Variants in LAMTOR2 observed in about 807,000 individuals in gnomAD.
The protein encoded by LAMTOR2 is ragulator complex protein LAMTOR2.
A neutral mutation model predicts 15.8 loss-of-function variants in LAMTOR2; 4 were observed. That is an observed-to-expected ratio of 0.25 (90% CI 0.12 to 0.58). The LOEUF is 0.58. LAMTOR2 is among the 20% of genes least tolerant of loss of function. The pLI is 0.91. For missense variants in LAMTOR2, 100 were observed against 161.0 expected (o/e 0.62, Z 2.05); for synonymous variants, 62 against 64.1 (o/e 0.97, Z 0.15).
chr1:156,058,438 G>T lies in LAMTOR2; in HGVS notation c.*67G>T, dbSNP rs771181256. 8 of 1,558,368 alleles carry T rather than the reference G, an allele frequency of 5.1e-6. No homozygotes were observed. The Admixed American group carries it at 1.2e-4, about 23-fold the overall frequency. On this transcript the variant is annotated 3_prime_UTR_variant, in exon 4 of 4. Coordinates refer to ENST00000368305, the MANE Select transcript of LAMTOR2 (RefSeq NM_014017.4). Reference sequence around the variant, plus strand: ...TTTGGAGGGGCGGGGCCTCCTAGAAGAACCTTCTTAGACAATGGGGGGAGG... The same window carrying T: ...TTTGGAGGGGCGGGGCCTCCTAGAATAACCTTCTTAGACAATGGGGGGAGG...
rs1311663055 is a variant in LAMTOR2, at chr1:156,055,464, G to A, written c.231+39G>A. ...AGCCAGACTTCCCCTGTCCCCCAAAGGGGATCCCAAGGGGGCGACCTGGAC... is the reference window on the plus strand; with the variant it reads ...AGCCAGACTTCCCCTGTCCCCCAAAAGGGATCCCAAGGGGGCGACCTGGAC... On this transcript the variant is annotated intron_variant, in intron 2 of 3. Transcript: ENST00000368305. This position sits in a 1 kb window ranked among gnomAD's most constrained non-coding sequence, Gnocchi z 4.8. 1 of 1,613,550 alleles carries A rather than the reference G, an allele frequency of 6.2e-7. No individual in the cohort carries two copies.
At chr1:156,056,452 A>G (rs575013095) in intron 2 of LAMTOR2, among the ~76,000 whole-genome samples, 3 of 152,332 alleles carry the variant, frequency 2.0e-5, no homozygotes, top group African/African-American at 7.2e-5. Flanking sequence ...AATGATCTGA[A>G]GAAAGGTGGG....
rs1439909987 is a variant in LAMTOR2, at chr1:156,058,000, G to T, written c.254G>T (p.Arg85Leu). 1 of 1,614,140 alleles carries T rather than the reference G, an allele frequency of 6.2e-7. No homozygotes were observed. Among genetic ancestry groups the T allele is most frequent in the Non-Finnish European group, 8.5e-7 (1 of 1,180,014 alleles). ...CAGGAGGGCCGTGTAGCCATCACCCGAGTGGCCAACCTTCTGCTGTGTATG... is the reference window on the plus strand; with the variant it reads ...CAGGAGGGCCGTGTAGCCATCACCCTAGTGGCCAACCTTCTGCTGTGTATG... The part of the protein sequence containing the change: ...DCMEGRVAIT[R>L]VANLLLCMYA... Residue 85 changes from arginine (R) to leucine (L), a missense_variant, in exon 3 of 4, where the codon CGA becomes CTA. Arg to Leu is a moderately radical substitution (Grantham distance 102). Transcript: ENST00000368305.
rs1341769915 is a variant in LAMTOR2 at position 156,058,085 on chromosome 1, C to T, written c.321+18C>T. 1.9e-6 allele frequency: 3 copies of T among 1,609,722 alleles called. No individual in the cohort carries two copies. The South Asian group carries it at 3.3e-5, about 18-fold the overall frequency. On this transcript the variant is annotated intron_variant, in intron 3 of 3. Transcript: ENST00000368305. ...AGGCCAAGGTGTGTATGTGCCCATC[C>T]CTCCATAGCCCTGGGCCCAGCCTTC...
chr1:156,055,083 A>G lies in LAMTOR2; in HGVS notation c.68+126A>G. On this transcript the variant is annotated intron_variant, in intron 1 of 3. Transcript: ENST00000368305. This position sits in a 1 kb window ranked among gnomAD's most constrained non-coding sequence, Gnocchi z 4.8. ...GGCAGAGGGGGCAGCGGCTGGGGAT[A>G]CCGGCCGGGAGGTCCCCTGTCGAAA... 1 of 1,355,932 alleles carries G rather than the reference A, an allele frequency of 7.4e-7. No individual in the cohort carries two copies. Among genetic ancestry groups the G allele is most frequent in the Non-Finnish European group, 1.0e-6 (1 of 953,266 alleles). 84.0% of individuals were successfully genotyped at this position (1,355,932 alleles called of 1,614,324 possible). A position where few individuals can be genotyped will look rare whatever the true frequency, so the allele number is the denominator to read the frequency against.
chr1:156,057,654 C>G (rs1426651305), intron 2 of LAMTOR2, among the ~76,000 whole-genome samples: 1 of 152,106 alleles, frequency 6.6e-6, no homozygotes, highest in Non-Finnish European at 1.5e-5. Flanking sequence ...CTCATTTGGA[C>G]AACTGTTGGC....
intron 3 of LAMTOR2, 77 bp downstream of exon 3, chr1:156,058,144 C>T: frequency 6.6e-7 from 1 of 1,524,366 alleles, no homozygotes; most frequent in Non-Finnish European, 9.1e-7. Context: ...CCACCAGGAC[C>T]CTGTTTCTAG....
chr1:156,056,609 G>A (rs1647379533), intron 2 of LAMTOR2, among the ~76,000 whole-genome samples: 1 of 152,206 alleles, frequency 6.6e-6, no homozygotes, highest in Non-Finnish European at 1.5e-5. Flanking sequence ...GGTAGTAGGA[G>A]ATGAGGTCAG....
rs186079755 is a variant in LAMTOR2 at position 156,055,030 on chromosome 1, G to T, written c.68+73G>T. On this transcript the variant is annotated intron_variant, in intron 1 of 3. Transcript: ENST00000368305. The surrounding 1 kb of genome is among the most constrained non-coding windows in gnomAD (Gnocchi z 4.8). Reference sequence around the variant, plus strand: ...CGCGCGGCTCCCTGAGGGAGGGGTGGGGAAGGATCACCAGGAAGGGAGGAA... The same window carrying T: ...CGCGCGGCTCCCTGAGGGAGGGGTGTGGAAGGATCACCAGGAAGGGAGGAA... 28 of 1,518,304 alleles carry T rather than the reference G, an allele frequency of 1.8e-5. No individual in the cohort carries two copies. The highest frequency in any genetic ancestry group is 5.3e-5 in the Admixed American group (3 of 56,316). The allele number at this position is 1,518,304 out of a possible 1,614,324, so 94.1% of individuals were successfully genotyped here.
In LAMTOR2 at chr1:156,058,425, G is replaced by T; in HGVS notation, c.*54G>T. On this transcript the variant is annotated 3_prime_UTR_variant, in exon 4 of 4. Transcript: ENST00000368305. ...AGAGAAATGACCATTTGGAGGGGCGGGGCCTCCTAGAAGAACCTTCTTAGA... is the reference window on the plus strand; with the variant it reads ...AGAGAAATGACCATTTGGAGGGGCGTGGCCTCCTAGAAGAACCTTCTTAGA... 6.3e-7 allele frequency: 1 copy of T among 1,597,468 alleles called. No homozygotes were observed. Among genetic ancestry groups the T allele is most frequent in the Non-Finnish European group, 8.6e-7 (1 of 1,165,230 alleles).
At chr1:156,058,094 C>T in intron 3 of LAMTOR2, 27 bp downstream of exon 3, 1 of 1,605,350 alleles carries the variant, frequency 6.2e-7, no homozygotes, top group Non-Finnish European at 8.5e-7. Flanking sequence ...CCCTCCATAG[C>T]CCTGGGCCCA....
At position 156,054,865 on chromosome 1, in the gene LAMTOR2, A is replaced by C; in HGVS notation, c.-25A>C. ...AGGCACCTCGGAGATCTGGGTGCAA[A>C]AGCCCAGGGTTAGGAACCGTAGGCA... On this transcript the variant is annotated 5_prime_UTR_variant, in exon 1 of 4. Transcript: ENST00000368305. The C allele has an allele frequency of 6.2e-7, 1 of 1,611,596 alleles. No homozygotes were observed. Among genetic ancestry groups the C allele is most frequent in the Non-Finnish European group, 8.5e-7 (1 of 1,179,128 alleles).
Position 156,055,398 on chromosome 1 carries a change from T to C in LAMTOR2, c.204T>C (p.Asn68=). ...RNGNQAFNED[N]LKFILMDCME... Reference sequence around the variant, plus strand: ...GGAACCAAGCGTTTAATGAAGACAATCTCAAATTCATCCTCATGGACTGCA... The same window carrying C: ...GGAACCAAGCGTTTAATGAAGACAACCTCAAATTCATCCTCATGGACTGCA... The change falls in exon 2 of 4, where the codon AAT becomes AAC. Residue 68 remains asparagine, a synonymous_variant. Transcript: ENST00000368305. This position sits in a 1 kb window ranked among gnomAD's most constrained non-coding sequence, Gnocchi z 4.8. 1.2e-6 allele frequency: 2 copies of C among 1,614,114 alleles called. No individual in the cohort carries two copies. The highest frequency in any genetic ancestry group is 1.7e-6 in the Non-Finnish European group (2 of 1,180,022).
In LAMTOR2 at chr1:156,055,027, G is replaced by T; in HGVS notation, c.68+70G>T. ...CGGCGCGCGGCTCCCTGAGGGAGGG[G>T]TGGGGAAGGATCACCAGGAAGGGAG... On this transcript the variant is annotated intron_variant, in intron 1 of 3. Transcript: ENST00000368305. This position sits in a 1 kb window ranked among gnomAD's most constrained non-coding sequence, Gnocchi z 4.8. 1.3e-6 allele frequency: 2 copies of T among 1,527,738 alleles called. No homozygotes were observed. Among genetic ancestry groups the T allele is most frequent in the Non-Finnish European group, 1.8e-6 (2 of 1,111,568 alleles). 94.6% of individuals were successfully genotyped at this position (1,527,738 alleles called of 1,614,324 possible).
At position 156,057,973 on chromosome 1, in the gene LAMTOR2, A is replaced by G. The variant is rs1219847415; in HGVS notation, c.232-5A>G. On this transcript the variant is annotated splice_polypyrimidine_tract_variant and splice_region_variant and intron_variant, in intron 2 of 3. Coordinates refer to ENST00000368305, the MANE Select transcript of LAMTOR2 (RefSeq NM_014017.4). ...CATCACATCCCATCATATCACCCCC[A>G]CCAGGAGGGCCGTGTAGCCATCACC... is the stretch of plus-strand genomic sequence containing the variant. The G allele has an allele frequency of 6.2e-7, 1 of 1,613,866 alleles. No homozygotes were observed. The highest frequency in any genetic ancestry group is 8.5e-7 in the Non-Finnish European group (1 of 1,179,856).
At position 156,054,807 on chromosome 1, in the gene LAMTOR2, G is replaced by T. The variant is rs1033808769; in HGVS notation, c.-83G>T. 1 of 1,405,054 alleles carries T rather than the reference G, an allele frequency of 7.1e-7. No homozygotes were observed. Among genetic ancestry groups the T allele is most frequent in the South Asian group, 1.2e-5 (1 of 84,020 alleles). 87.0% of individuals were successfully genotyped at this position (1,405,054 alleles called of 1,614,324 possible). A position where few individuals can be genotyped will look rare whatever the true frequency, so the allele number is the denominator to read the frequency against. On this transcript the variant is annotated 5_prime_UTR_variant, in exon 1 of 4. Transcript: ENST00000368305. ...AGGGCGTCCCGGAGCAGGCCAACGG[G>T]ACTACGGGAAGCAGCGGGCAGCGGC...
intron 2 of LAMTOR2, among the ~76,000 whole-genome samples, 188 bp from the exon 3 acceptor site, chr1:156,057,790 G>A (rs960272729): frequency 2.0e-5 from 3 of 152,222 alleles, no homozygotes; most frequent in African/African-American, 7.2e-5. Context: ...TGGCTGTGCT[G>A]AGGCTGGAAC....
rs1475933491 is a variant in LAMTOR2, at chr1:156,054,825, G to T, written c.-65G>T. 4.6e-6 allele frequency: 7 copies of T among 1,534,050 alleles called. No individual in the cohort carries two copies. The highest frequency in any genetic ancestry group is 6.3e-6 in the Non-Finnish European group (7 of 1,114,888). On this transcript the variant is annotated 5_prime_UTR_variant, in exon 1 of 4. Transcript: ENST00000368305. ...CCAACGGGACTACGGGAAGCAGCGG[G>T]CAGCGGCCCGCGGGAGGCACCTCGG...
intron 2 of LAMTOR2, 69 bp from the exon 3 acceptor site, chr1:156,057,909 G>A (rs1647426593): frequency 3.5e-6 from 5 of 1,416,116 alleles, no homozygotes; most frequent in Non-Finnish European, 4.0e-6. Flanking sequence ...GGCCAGAGAA[G>A]CCTTTGGGGA....
Sources: allele counts gnomAD v4.1 joint callset (sites outside exome capture counted in the v4.1 genomes callset), GRCh38; gene constraint gnomAD v4.1.1; non-coding constraint Gnocchi (gnomAD v3.1); transcripts MANE v1.5; gene names NCBI Gene and HGNC (gene_info 2026-07-23, HGNC 2026-07-21).